SHROOM3: variants seen among roughly 807,000 people sequenced by gnomAD.
SHROOM3 encodes protein Shroom3.
A neutral mutation model predicts 138.6 loss-of-function variants in SHROOM3; 47 were observed. The observed-to-expected ratio is 0.34, with a 90% confidence interval of 0.27 to 0.43. The LOEUF is 0.43. SHROOM3 is among the 20% of genes least tolerant of loss of function. The pLI is 1.00. For missense variants in SHROOM3, 2,491 were observed against 2,596.5 expected (o/e 0.96, Z 0.88); for synonymous variants, 1,062 against 1,063.3 (o/e 1.00, Z 0.02).
intron 10 of SHROOM3, among the ~76,000 whole-genome samples, chr4:76,776,429 G>T (rs1040723456): frequency 1.6e-4 from 25 of 152,120 alleles, no homozygotes; most frequent in Admixed American, 2.0e-4. Context: ...ATTTTGCTGT[G>T]CAAAAGCTCT....
At chr4:76,631,201 A>ATTTTTTT (rs746759523) in intron 2 of SHROOM3, among the ~76,000 whole-genome samples, 3 of 89,726 alleles carry the variant, frequency 3.3e-5, no homozygotes, top group Non-Finnish European at 6.7e-5. Flanking sequence ...CTTTTTTTTA[A>ATTTTTTT]TCTTTTTTTT....
intron 1 of SHROOM3, among the ~76,000 whole-genome samples, 194 bp downstream of exon 1, chr4:76,436,414 A>G (rs553949183): frequency 6.6e-6 from 1 of 152,304 alleles, no homozygotes; most frequent in East Asian, 1.9e-4. Flanking sequence ...TTATTCTATG[A>G]AATCCGAAGA....
At chr4:76,775,067 T>C (rs1430485359) in intron 10 of SHROOM3, among the ~76,000 whole-genome samples, 4 of 152,162 alleles carry the variant, frequency 2.6e-5, no homozygotes, top group Non-Finnish European at 5.9e-5. Context: ...CCGAGCACTG[T>C]ACACTGTACC....
At chr4:76,466,791 CT>C (rs1247511816) in intron 1 of SHROOM3, among the ~76,000 whole-genome samples, 4 of 151,962 alleles carry the variant, frequency 2.6e-5, no homozygotes, top group Admixed American at 1.3e-4. Flanking sequence ...AAAGGAATCC[CT>C]TTTTTGTACA....
intron 1 of SHROOM3, among the ~76,000 whole-genome samples, chr4:76,473,767 A>G (rs570272928): frequency 5.3e-5 from 8 of 152,334 alleles, no homozygotes; most frequent in Admixed American, 5.2e-4. Flanking sequence ...ACAATGAAGT[A>G]TCACTTTATA....
At chr4:76,583,130 G>A (rs953890180) in intron 2 of SHROOM3, among the ~76,000 whole-genome samples, 1 of 152,208 alleles carries the variant, frequency 6.6e-6, no homozygotes, top group Non-Finnish European at 1.5e-5. Context: ...CTGTGGGCAG[G>A]TCTTACCTGG....
chr4:76,631,270 G>T (rs1259054277), intron 2 of SHROOM3, among the ~76,000 whole-genome samples: 1 of 140,412 alleles, frequency 7.1e-6, no homozygotes, highest in African/African-American at 2.7e-5. Context: ...GTGTAGTGGT[G>T]CAATCTTGGC....
At chr4:76,557,226 TACACACACACACAC>T (rs35294663) in intron 2 of SHROOM3, among the ~76,000 whole-genome samples, 6 of 142,020 alleles carry the variant, frequency 4.2e-5, no homozygotes, top group Middle Eastern at 6.8e-3. Context: ...TGTTTATGTA[TACACACACACACAC>T]ACACACACAC....
chr4:76,618,120 G>A (rs1734922986), intron 2 of SHROOM3, among the ~76,000 whole-genome samples: 1 of 152,124 alleles, frequency 6.6e-6, no homozygotes, highest in African/African-American at 2.4e-5. Context: ...GGCAACACAG[G>A]GAGACTCCAT....
At chr4:76,641,740 C>T (rs1451132920) in intron 2 of SHROOM3, among the ~76,000 whole-genome samples, 1 of 152,198 alleles carries the variant, frequency 6.6e-6, no homozygotes, top group Non-Finnish European at 1.5e-5. Flanking sequence ...AGGAAAGGCT[C>T]ACCAAACACC....
chr4:76,634,055 A>G (rs1384713397), intron 2 of SHROOM3, among the ~76,000 whole-genome samples: 1 of 152,178 alleles, frequency 6.6e-6, no homozygotes, highest in Non-Finnish European at 1.5e-5. Flanking sequence ...ATGGAGTGCT[A>G]GTCCTCAATA....
At chr4:76,693,378 T>TTTTTTTTTTTTG (rs1719620807) in intron 2 of SHROOM3, among the ~76,000 whole-genome samples, 1 of 132,150 alleles carries the variant, frequency 7.6e-6, no homozygotes, top group African/African-American at 3.1e-5. Flanking sequence ...TTGTTTTTTT[T>TTTTTTTTTTTTG]TTTTTTTTTT....
chr4:76,728,960 C>T (rs1287660717), intron 3 of SHROOM3, among the ~76,000 whole-genome samples: 1 of 152,208 alleles, frequency 6.6e-6, no homozygotes, highest in East Asian at 1.9e-4. Context: ...TCTTGTCTCC[C>T]TCATCATTTA....
intron 1 of SHROOM3, among the ~76,000 whole-genome samples, chr4:76,518,276 G>A (rs935319172): frequency 6.6e-6 from 1 of 152,094 alleles, no homozygotes; most frequent in Non-Finnish European, 1.5e-5. Context: ...CCCCCCAAGA[G>A]CAGGGACTAC....
At chr4:76,496,907 A>G (rs1242204163) in intron 1 of SHROOM3, among the ~76,000 whole-genome samples, 1 of 152,312 alleles carries the variant, frequency 6.6e-6, no homozygotes, top group South Asian at 2.1e-4. Context: ...TTATAATTAA[A>G]CAAACAAAAA....
intron 9 of SHROOM3, among the ~76,000 whole-genome samples, chr4:76,760,164 A>G (rs2110147985): frequency 6.6e-6 from 1 of 152,368 alleles, no homozygotes; most frequent in African/African-American, 2.4e-5. Flanking sequence ...GAGAAAAAGT[A>G]ATATTAACCT....
Position 76,507,427 on chromosome 4 carries a change from T to C in SHROOM3, c.169-48182T>C, listed in dbSNP as rs1732234547. Among the ~76,000 whole-genome samples, 4 of 152,330 alleles carry C rather than the reference T, an allele frequency of 2.6e-5. No individual in the cohort carries two copies. In the South Asian group the frequency reaches 8.3e-4, roughly 32 times the overall value. On this transcript the variant is annotated intron_variant, in intron 1 of 10. Transcript: ENST00000296043. ...ACTTGTTATTATGTCTTTTTGATCA[T>C]AGCTGCCTTAGTGGGTATGAAGTGG... is the stretch of plus-strand genomic sequence containing the variant.
At chr4:76,569,521 A>G (rs1733793003) in intron 2 of SHROOM3, among the ~76,000 whole-genome samples, 1 of 152,210 alleles carries the variant, frequency 6.6e-6, no homozygotes, top group Non-Finnish European at 1.5e-5. Flanking sequence ...CAGGGCATAC[A>G]TAAAAATAGA....
chr4:76,626,795 C>T lies in SHROOM3; in HGVS notation c.323+71032C>T, dbSNP rs75360629. 6.9e-4 allele frequency among the ~76,000 whole-genome samples: 105 copies of T among 152,240 alleles called. 1 individual carries two copies. In the East Asian group the frequency reaches 0.02, roughly 29 times the overall value. ...GAAACTTGGTCTCTTGGTCCAAAAG[C>T]TTCCTTTCTTTATAGCATATTTCTC... On this transcript the variant is annotated intron_variant, in intron 2 of 10. Coordinates refer to ENST00000296043, the MANE Select transcript of SHROOM3 (RefSeq NM_020859.4).
Sources: gnomAD v4.1 joint callset for allele counts (sites outside exome capture counted in the v4.1 genomes callset) on GRCh38, gnomAD v4.1.1 for gene constraint, MANE v1.5 for transcripts, NCBI Gene and HGNC (gene_info 2026-07-23, HGNC 2026-07-21) for gene names.